RPTOR: variants seen among roughly 807,000 people sequenced by gnomAD.
RPTOR encodes regulatory associated protein of MTOR complex 1, also known as regulatory-associated protein of mTOR.
Under a neutral mutation model 169.9 loss-of-function variants are expected in RPTOR, and 21 were observed. The ratio of observed to expected loss-of-function variants is 0.12; its 90% CI spans 0.09 to 0.18. RPTOR has a LOEUF of 0.18. Among genes scored for constraint, RPTOR ranks in the 10% least tolerant of loss-of-function variants. RPTOR has a pLI of 1.00. For missense variants in RPTOR, 1,133 were observed against 1,855.9 expected (o/e 0.61, Z 7.16); for synonymous variants, 732 against 753.2 (o/e 0.97, Z 0.46).
Position 80,808,882 on chromosome 17 carries a change from G to A in RPTOR, c.891-13319G>A, listed in dbSNP as rs149070022. On this transcript the variant is annotated intron_variant, in intron 7 of 33. Coordinates refer to ENST00000306801, the MANE Select transcript of RPTOR (RefSeq NM_020761.3). The stretch of plus-strand genomic sequence containing the variant: ...TCCTGTTCATTATAAGTAACAGCCC[G>A]TCACCCTGTGTGTCACAGTTTGTTT... Among the ~76,000 whole-genome samples, 635 of 152,124 alleles carry A rather than the reference G, an allele frequency of 4.2e-3. 3 individuals are homozygous for A. Among genetic ancestry groups the A allele is most frequent in the Non-Finnish European group, 6.2e-3 (422 of 68,010 alleles).
intron 33 of RPTOR, 29 bp downstream of exon 33, chr17:80,963,086 GGTC>G: frequency 7.3e-7 from 1 of 1,372,022 alleles, no homozygotes; most frequent in South Asian, 1.2e-5. Flanking sequence ...GGGGGTCGGG[GGTC>G]GGGGGCTGGG....
At chr17:80,906,691 C>T (rs139701529) in intron 20 of RPTOR, among the ~76,000 whole-genome samples, 1 of 152,342 alleles carries the variant, frequency 6.6e-6, no homozygotes, top group East Asian at 1.9e-4. Context: ...GAAAAGGTCC[C>T]AGCCTCTCAT....
intron 3 of RPTOR, among the ~76,000 whole-genome samples, chr17:80,681,087 G>T (rs184338871): frequency 6.6e-6 from 1 of 152,098 alleles, no homozygotes; most frequent in South Asian, 2.1e-4. Flanking sequence ...GGGGCCTGGC[G>T]CACTGGAGTC....
chr17:80,770,255 G>A (rs527398293), intron 6 of RPTOR, among the ~76,000 whole-genome samples: 18 of 152,308 alleles, frequency 1.2e-4, no homozygotes, highest in South Asian at 4.1e-4. Flanking sequence ...TCAGGATGGC[G>A]GAGCCTTGGG....
rs1276231028 is a variant in RPTOR at position 80,960,591 on chromosome 17, G to A, written c.3605+386G>A. The stretch of plus-strand genomic sequence containing the variant: ...TGCCTGCCACCTCCTGGGTCATGCA[G>A]CAAGTGTCTGGGGAGGGATGTCTGA... On this transcript the variant is annotated intron_variant, in intron 30 of 33. Coordinates refer to ENST00000306801, the MANE Select transcript of RPTOR (RefSeq NM_020761.3). The surrounding 1 kb of genome is among the most constrained non-coding windows in gnomAD (Gnocchi z 4.8). Among the ~76,000 whole-genome samples, 1 of 152,210 alleles carries A rather than the reference G, an allele frequency of 6.6e-6. No individual in the cohort carries two copies. The highest frequency in any genetic ancestry group is 1.5e-5 in the Non-Finnish European group (1 of 68,048).
chr17:80,845,271 G>A lies in RPTOR; in HGVS notation c.1213-1202G>A, dbSNP rs1029271269. Among the ~76,000 whole-genome samples, 61 of 152,244 alleles carry A rather than the reference G, an allele frequency of 4.0e-4. No individual in the cohort carries two copies. The highest frequency in any genetic ancestry group is 1.4e-3 in the African/African-American group (60 of 41,556). On this transcript the variant is annotated intron_variant, in intron 10 of 33. Transcript: ENST00000306801. This position sits in a 1 kb window ranked among gnomAD's most constrained non-coding sequence, Gnocchi z 5.4. ...CTCGGGCCCACCCGGTGTGGCCCAC[G>A]GAGAACTCGTGTCACCCCCTCGAGG...
intron 5 of RPTOR, among the ~76,000 whole-genome samples, chr17:80,732,184 A>C (rs2066398543): frequency 1.3e-5 from 2 of 151,638 alleles, no homozygotes; most frequent in Admixed American, 1.3e-4. Flanking sequence ...TGATTTTTTT[A>C]CATTTATAAT....
In RPTOR at chr17:80,651,861, C is replaced by T. The variant is rs140515238; in HGVS notation, c.348+8051C>T. Among the ~76,000 whole-genome samples the T allele has an allele frequency of 4.2e-3, 631 of 151,934 alleles. 5 individuals carry two copies. The highest frequency in any genetic ancestry group is 0.01 in the Middle Eastern group (3 of 294). ...TCTACTAAAAATACAAAAAATTAGC[C>T]GGGCGCAGTGGCAGGTGCCTACTGT... On this transcript the variant is annotated intron_variant, in intron 3 of 33. Coordinates refer to ENST00000306801, the MANE Select transcript of RPTOR (RefSeq NM_020761.3). This position sits in a 1 kb window ranked among gnomAD's most constrained non-coding sequence, Gnocchi z 4.1.
At chr17:80,675,775 C>T (rs772903025) in intron 3 of RPTOR, among the ~76,000 whole-genome samples, 7 of 152,200 alleles carry the variant, frequency 4.6e-5, no homozygotes, top group Non-Finnish European at 7.3e-5. Flanking sequence ...TCAGAACGTG[C>T]CCCTGCCTGC....
Position 80,820,095 on chromosome 17 carries a change from G to A in RPTOR, c.891-2106G>A, listed in dbSNP as rs544053840. Among the ~76,000 whole-genome samples the A allele has an allele frequency of 1.3e-5, 2 of 152,208 alleles. No homozygotes were observed. The highest frequency in any genetic ancestry group is 2.1e-4 in the South Asian group (1 of 4,814). Reference sequence around the variant, plus strand: ...AGGATGCTGAAGATCAGCAACTCCCGTGTCCTCCTTCCTTGCACAGTCGGG... The same window carrying A: ...AGGATGCTGAAGATCAGCAACTCCCATGTCCTCCTTCCTTGCACAGTCGGG... On this transcript the variant is annotated intron_variant, in intron 7 of 33. Transcript: ENST00000306801. The surrounding 1 kb of genome is among the most constrained non-coding windows in gnomAD (Gnocchi z 4.1).
intron 6 of RPTOR, among the ~76,000 whole-genome samples, chr17:80,778,668 G>C (rs2066912306): frequency 6.6e-6 from 1 of 152,122 alleles, no homozygotes; most frequent in Non-Finnish European, 1.5e-5. Context: ...TGGTATGGTG[G>C]TGCGCCTATG....
At chr17:80,642,236 A>G (rs1464695102) in intron 2 of RPTOR, among the ~76,000 whole-genome samples, 1 of 152,054 alleles carries the variant, frequency 6.6e-6, no homozygotes, top group Non-Finnish European at 1.5e-5. Context: ...TCCAGGGTTC[A>G]AGTGATTCTC....
chr17:80,931,496 A>G (rs1274571101), intron 24 of RPTOR, among the ~76,000 whole-genome samples: 1 of 152,222 alleles, frequency 6.6e-6, no homozygotes, highest in Admixed American at 6.5e-5. Context: ...CTCACCCAGA[A>G]GATTGAGGTG....
intron 9 of RPTOR, among the ~76,000 whole-genome samples, chr17:80,836,166 C>T (rs1157464687): frequency 1.3e-5 from 2 of 152,326 alleles, no homozygotes; most frequent in East Asian, 1.9e-4. Flanking sequence ...GGCGAGGCAG[C>T]GAGGCAGGCA....
intron 3 of RPTOR, among the ~76,000 whole-genome samples, chr17:80,654,277 G>A (rs1199798072): frequency 6.6e-6 from 1 of 152,266 alleles, no homozygotes; most frequent in Admixed American, 6.5e-5. Context: ...TGATGCAGGT[G>A]CTAAGGCACA....
At chr17:80,598,886 A>T (rs117704531) in intron 1 of RPTOR, among the ~76,000 whole-genome samples, 2,103 of 113,504 alleles carry the variant, frequency 0.019, 17 homozygotes, top group Non-Finnish European at 0.024. Flanking sequence ...GATTCTTTCT[A>T]TCTATCTATC....
At chr17:80,814,364 C>T (rs1468248173) in intron 7 of RPTOR, among the ~76,000 whole-genome samples, 1 of 152,000 alleles carries the variant, frequency 6.6e-6, no homozygotes, top group Non-Finnish European at 1.5e-5. Flanking sequence ...TTGTGTATAC[C>T]CTTCCAGACT....
At chr17:80,610,184 C>T (rs960919350) in intron 1 of RPTOR, among the ~76,000 whole-genome samples, 2 of 152,126 alleles carry the variant, frequency 1.3e-5, no homozygotes, top group African/African-American at 4.8e-5. Context: ...TCTCTTCCTC[C>T]TTCTCCTTCT....
Position 80,961,497 on chromosome 17 carries a change from T to A in RPTOR, c.3692+17T>A, listed in dbSNP as rs1004316086. 1.3e-6 allele frequency: 2 copies of A among 1,546,686 alleles called. No individual in the cohort carries two copies. Among genetic ancestry groups the A allele is most frequent in the African/African-American group, 2.7e-5 (2 of 72,934 alleles). On this transcript the variant is annotated intron_variant, in intron 31 of 33. Transcript: ENST00000306801. ...GAGTGTGAGGTGAGGAGCGCCGATA[T>A]TTAGCAGCCGTTCTGCTGTAAAAAC...
Sources: gnomAD v4.1 joint callset for allele counts (sites outside exome capture counted in the v4.1 genomes callset) on GRCh38, gnomAD v4.1.1 for gene constraint, Gnocchi (gnomAD v3.1) non-coding constraint, MANE v1.5 for transcripts, NCBI Gene and HGNC (gene_info 2026-07-23, HGNC 2026-07-21) for gene names.